The following LIMS2 variants were observed in gnomAD, a reference collection of about 807,000 sequenced individuals.
The protein encoded by LIMS2 is LIM and senescent cell antigen-like-containing domain protein 2.
A neutral mutation model predicts 45.3 loss-of-function variants in LIMS2; 30 were observed. The ratio of observed to expected loss-of-function variants is 0.66; its 90% CI spans 0.50 to 0.90. The LOEUF is 0.90. Among genes scored for constraint, LIMS2 ranks in the 40% least tolerant of loss-of-function variants. The pLI is 0.00. For missense variants in LIMS2, 485 were observed against 468.7 expected, an observed-to-expected ratio of 1.03 and a Z score of -0.32; for synonymous variants, 173 against 188.0, an observed-to-expected ratio of 0.92 and a Z score of 0.65.
At chr2:127,675,604 A>G (rs1685477077), upstream of LIMS2, among the ~76,000 whole-genome samples, 1 of 151,752 alleles carries the variant, frequency 6.6e-6, no homozygotes, top group South Asian at 2.1e-4. Context: ...CCCCACCCCC[A>G]CAGCCCCGCC....
At chr2:127,651,708 G>T in intron 4 of LIMS2, 1 of 1,613,074 alleles carries the variant, frequency 6.2e-7, no homozygotes, top group Non-Finnish European at 8.5e-7. Flanking sequence ...CCCCAGCTTC[G>T]AAGGGAAAAC....
At chr2:127,650,396 C>T (rs778650333) in intron 4 of LIMS2, 21 of 533,856 alleles carry the variant, frequency 3.9e-5, no homozygotes, top group South Asian at 7.3e-5. Flanking sequence ...GCAAGGCTCA[C>T]GTCCCATTCC....
Position 127,654,470 on chromosome 2 carries a change from A to G in LIMS2, c.313T>C (p.Cys105Arg). The change falls in exon 4 of 10, where the codon TGT (cysteine) becomes CGT (arginine). Residue 105 changes from cysteine (C) to arginine (R), a missense_variant. Physicochemically the swap from Cys to Arg is radical, Grantham distance 180. Coordinates refer to ENST00000355119, the MANE Select transcript of LIMS2 (RefSeq NM_001161403.3). ...CCCAGGTCAGCCAGCTCCACATCAC[A>G]CAGCTCGCAGCGGAAGCAGCCCGGG... is the stretch of plus-strand genomic sequence containing the variant. ...WHPGCFRCEL[C>R]DVELADLGFV... The G allele has an allele frequency of 6.2e-7, 1 of 1,614,084 alleles. No individual in the cohort carries two copies. The highest frequency in any genetic ancestry group is 8.5e-7 in the Non-Finnish European group (1 of 1,179,994).
chr2:127,652,062 C>G, intron 4 of LIMS2: 1 of 378,190 alleles, frequency 2.6e-6, no homozygotes, highest in African/African-American at 2.0e-5. Flanking sequence ...CCTTTCTTTC[C>G]CGCTAGGCTC....
In LIMS2 at chr2:127,664,391, C is replaced by G; in HGVS notation, c.12-6829G>C. ...AGCGCACCCAGCCGGGCCGCCATGG[C>G]GCGGGGCAGCCGCCTTGAGGTCGCG... is the stretch of plus-strand genomic sequence containing the variant. On this transcript the variant is annotated intron_variant, in intron 1 of 9. Coordinates refer to ENST00000355119, the MANE Select transcript of LIMS2 (RefSeq NM_001161403.3). This position sits in a 1 kb window ranked among gnomAD's most constrained non-coding sequence, Gnocchi z 5.5. 8.3e-7 allele frequency: 1 copy of G among 1,205,450 alleles called. No homozygotes were observed. Among genetic ancestry groups the G allele is most frequent in the Non-Finnish European group, 1.0e-6 (1 of 971,130 alleles). The allele number at this position is 1,205,450 out of a possible 1,614,324, so 74.7% of individuals were successfully genotyped here.
chr2:127,673,241 A>C (rs946096118), intron 1 of LIMS2, among the ~76,000 whole-genome samples: 2 of 152,232 alleles, frequency 1.3e-5, no homozygotes, highest in Non-Finnish European at 2.9e-5. Context: ...ACCGAACTGC[A>C]TAAAGGGAGG....
intron 1 of LIMS2, among the ~76,000 whole-genome samples, chr2:127,680,925 C>T (rs1011066152): frequency 2.0e-5 from 3 of 152,212 alleles, no homozygotes; most frequent in South Asian, 2.1e-4. Flanking sequence ...GCCTCCTGGG[C>T]GCAGAGCTCC....
intron 3 of LIMS2, 141 bp from the exon 4 acceptor site, chr2:127,654,685 G>A (rs1230510622): frequency 2.0e-6 from 3 of 1,482,100 alleles, no homozygotes; most frequent in African/African-American, 1.4e-5. Flanking sequence ...TGCCTGTAGG[G>A]GGCCTGACGG....
chr2:127,677,826 A>T (rs1359512240), upstream of LIMS2, among the ~76,000 whole-genome samples: 1 of 152,188 alleles, frequency 6.6e-6, no homozygotes, highest in Non-Finnish European at 1.5e-5. The surrounding 1 kb of genome is among the most constrained non-coding windows in gnomAD (Gnocchi z 5.0). Context: ...TGGTAGAAAA[A>T]ATCAGAACGG....
rs377198065 is a variant in LIMS2, at chr2:127,655,315, C to G, written c.172-419G>C. 429 of 235,458 alleles carry G rather than the reference C, an allele frequency of 1.8e-3. 1 individual carries two copies. Among genetic ancestry groups the G allele is most frequent in the African/African-American group, 9.2e-3 (406 of 44,328 alleles). The allele number at this position is 235,458 out of a possible 1,614,324, so 14.6% of individuals were successfully genotyped here. ...AGCTCTCTCAGAGGCCATGAAGACC[C>G]GGGTATAGGAGACAGAAGGAAGGGA... is the stretch of plus-strand genomic sequence containing the variant. On this transcript the variant is annotated intron_variant, in intron 2 of 9. Transcript: ENST00000355119.
In LIMS2 at chr2:127,664,251, C is replaced by T. The variant is rs114827188; in HGVS notation, c.12-6689G>A. ...GTTTCCGAGGGAAGGCCTGCCCTGC[C>T]GCCGCAGCTTTCCGGCCATTGTCCC... On this transcript the variant is annotated intron_variant, in intron 1 of 9. Transcript: ENST00000355119. The surrounding 1 kb of genome is among the most constrained non-coding windows in gnomAD (Gnocchi z 5.5). 47,788 of 1,214,544 alleles carry T rather than the reference C, an allele frequency of 0.039. 1,115 individuals are homozygous for T. The highest frequency in any genetic ancestry group is 0.076 in the African/African-American group (4,820 of 63,488). 75.2% of individuals were successfully genotyped at this position (1,214,544 alleles called of 1,614,324 possible). A position where few individuals can be genotyped will look rare whatever the true frequency, so the allele number is the denominator to read the frequency against.
intron 9 of LIMS2, 83 bp from the exon 10 acceptor site, chr2:127,639,511 C>T: frequency 6.5e-7 from 1 of 1,527,122 alleles, no homozygotes; most frequent in South Asian, 1.2e-5. Flanking sequence ...GGGCTTCCCT[C>T]AGCCCCCAGC....
rs935536189 is a variant in LIMS2, at chr2:127,647,954, C to A, written c.360-4882G>T. Reference sequence around the variant, plus strand: ...GCTGTGTTCCTCCCTCCTTTTACCTCTCCTCCACAGCCCCCTTCACAGCCC... The same window carrying A: ...GCTGTGTTCCTCCCTCCTTTTACCTATCCTCCACAGCCCCCTTCACAGCCC... On this transcript the variant is annotated intron_variant, in intron 4 of 9. Coordinates refer to ENST00000355119, the MANE Select transcript of LIMS2 (RefSeq NM_001161403.3). This position sits in a 1 kb window ranked among gnomAD's most constrained non-coding sequence, Gnocchi z 4.3. The A allele has an allele frequency of 4.3e-6, 4 of 920,130 alleles. No individual in the cohort carries two copies. Among genetic ancestry groups the A allele is most frequent in the African/African-American group, 3.6e-5 (2 of 56,018 alleles). The allele number at this position is 920,130 out of a possible 1,614,324, so 57.0% of individuals were successfully genotyped here. A position where few individuals can be genotyped will look rare whatever the true frequency, so the allele number is the denominator to read the frequency against.
rs1173911354 is a variant in LIMS2, at chr2:127,653,600, G to A, written c.359+824C>T. On this transcript the variant is annotated intron_variant, in intron 4 of 9. Coordinates refer to ENST00000355119, the MANE Select transcript of LIMS2 (RefSeq NM_001161403.3). This position sits in a 1 kb window ranked among gnomAD's most constrained non-coding sequence, Gnocchi z 5.3. ...GGGAGAAAGGTGACTCAGAGGAGGGGAGTGAGCAGGTGCAGCTGTGGGGGC... is the reference window on the plus strand; with the variant it reads ...GGGAGAAAGGTGACTCAGAGGAGGGAAGTGAGCAGGTGCAGCTGTGGGGGC... Among the ~76,000 whole-genome samples, 1 of 152,092 alleles carries A rather than the reference G, an allele frequency of 6.6e-6. No homozygotes were observed.
chr2:127,668,668 C>CAAA (rs70985469), intron 1 of LIMS2, among the ~76,000 whole-genome samples: 364 of 17,254 alleles, frequency 0.021, 77 homozygotes, highest in Admixed American at 0.033. Flanking sequence ...GACTCCGTCT[C>CAAA]AAAAAAAAAA....
Position 127,664,188 on chromosome 2 carries a change from C to T in LIMS2, c.12-6626G>A, listed in dbSNP as rs1351728895. On this transcript the variant is annotated intron_variant, in intron 1 of 9. Transcript: ENST00000355119. This position sits in a 1 kb window ranked among gnomAD's most constrained non-coding sequence, Gnocchi z 5.5. ...TCGCCAACCCAGGGCCCATCCGACG[C>T]CGGGGCAGAGCCCACGGCGTCGGAG... The T allele has an allele frequency of 2.4e-6, 2 of 833,650 alleles. No homozygotes were observed. The highest frequency in any genetic ancestry group is 4.2e-5 in the East Asian group (1 of 23,860). The allele number at this position is 833,650 out of a possible 1,614,324, so 51.6% of individuals were successfully genotyped here.
At position 127,672,580 on chromosome 2, in the gene LIMS2, T is replaced by A. The variant is rs1685317222; in HGVS notation, c.11+2434A>T. On this transcript the variant is annotated intron_variant, in intron 1 of 9. Coordinates refer to ENST00000355119, the MANE Select transcript of LIMS2 (RefSeq NM_001161403.3). This position sits in a 1 kb window ranked among gnomAD's most constrained non-coding sequence, Gnocchi z 4.9. ...ACCTCACAGCCAGTCAGTTGGGTCC[T>A]GTCCACTCCACCTCCCAGAACCCTG... 6.6e-6 allele frequency among the ~76,000 whole-genome samples: 1 copy of A among 152,196 alleles called. No homozygotes were observed. The highest frequency in any genetic ancestry group is 2.1e-4 in the South Asian group (1 of 4,824).
At chr2:127,673,374 G>T (rs1288592209) in intron 1 of LIMS2, among the ~76,000 whole-genome samples, 3 of 152,180 alleles carry the variant, frequency 2.0e-5, no homozygotes, top group Admixed American at 2.0e-4. Flanking sequence ...GCCCTACACA[G>T]TGCCTGCCAA....
intron 1 of LIMS2, among the ~76,000 whole-genome samples, chr2:127,663,231 G>A (rs2105325252): frequency 6.6e-6 from 1 of 152,286 alleles, no homozygotes; most frequent in African/African-American, 2.4e-5. Context: ...CTGTCCAGAG[G>A]TTGACCAGGG....
Sources: allele counts gnomAD v4.1 joint callset (sites outside exome capture counted in the v4.1 genomes callset), GRCh38; gene constraint gnomAD v4.1.1; non-coding constraint Gnocchi (gnomAD v3.1); transcripts MANE v1.5; gene names NCBI Gene and HGNC (gene_info 2026-07-23, HGNC 2026-07-21).